The following PIPOX variants were observed in gnomAD, a reference collection of about 807,000 sequenced individuals.
PIPOX encodes the protein peroxisomal sarcosine oxidase.
Under a neutral mutation model 47.9 loss-of-function variants are expected in PIPOX, and 45 were observed. The ratio of observed to expected loss-of-function variants is 0.94; its 90% CI spans 0.74 to 1.20. The LOEUF is 1.20. Ranked by LOEUF, PIPOX falls within the 50% of genes most tolerant of loss-of-function variation. PIPOX has a pLI of 0.00. For synonymous variants in PIPOX, 165 were observed against 191.3 expected, an observed-to-expected ratio of 0.86 and a Z score of 1.13; for missense variants, 458 against 498.4, an observed-to-expected ratio of 0.92 and a Z score of 0.77.
chr17:29,055,974 G>T, intron 7 of PIPOX, 86 bp downstream of exon 7: 2 of 1,358,802 alleles, frequency 1.5e-6, no homozygotes, highest in South Asian at 2.3e-5. Flanking sequence ...ACTCTTAGCT[G>T]CCCAGATAGG....
At chr17:29,052,088 C>A (rs1162612700) in intron 2 of PIPOX, 19 of 465,924 alleles carry the variant, frequency 4.1e-5, no homozygotes, top group Non-Finnish European at 7.6e-5. Flanking sequence ...GTTTAGGACC[C>A]TTTCCACAAA....
At position 29,054,582 on chromosome 17, in the gene PIPOX, T is replaced by C. The variant is rs1480345147; in HGVS notation, c.698T>C (p.Val233Ala). ...AACGTGTGTTACTGGCGAGAGATGG[T>C]TCCTGGGAGCTATGGTGTGTCCCAG... The part of the protein sequence containing the change: ...RINVCYWREM[V>A]PGSYGVSQAF... The change falls in exon 5 of 8, where the codon GTT becomes GCT. Residue 233 changes from valine to alanine, a missense_variant. Physicochemically the swap from Val to Ala is moderately conservative, Grantham distance 64. Transcript: ENST00000323372. The C allele has an allele frequency of 6.2e-7, 1 of 1,614,204 alleles. No individual in the cohort carries two copies. The highest frequency in any genetic ancestry group is 1.1e-5 in the South Asian group (1 of 91,082).
At chr17:29,045,823 A>G (rs917898738) in intron 2 of PIPOX, among the ~76,000 whole-genome samples, 3 of 152,164 alleles carry the variant, frequency 2.0e-5, no homozygotes, top group Non-Finnish European at 4.4e-5. Context: ...TGTAGGAACA[A>G]AATGGGGACG....
chr17:29,043,578 C>G (rs142730600), intron 1 of PIPOX, among the ~76,000 whole-genome samples: 2 of 152,326 alleles, frequency 1.3e-5, no homozygotes, highest in East Asian at 3.9e-4. Context: ...CTTCCCAGTT[C>G]CTGCCCTTGA....
intron 5 of PIPOX, 70 bp from the exon 6 acceptor site, chr17:29,054,993 C>T (rs2065821555): frequency 1.3e-6 from 2 of 1,590,026 alleles, no homozygotes; most frequent in Non-Finnish European, 1.7e-6. Context: ...GTGTACACGC[C>T]TGCCCTTCGG....
Position 29,054,609 on chromosome 17 carries a change from C to T in PIPOX, c.725C>T (p.Ala242Val), listed in dbSNP as rs1267447911. 6.2e-7 allele frequency: 1 copy of T among 1,614,040 alleles called. No homozygotes were observed. The highest frequency in any genetic ancestry group is 1.3e-5 in the African/African-American group (1 of 74,908). Reference sequence around the variant, plus strand: ...CCTGGGAGCTATGGTGTGTCCCAGGCCTTTCCGTGCTTCCTGTGGCTGGGC... The same window carrying T: ...CCTGGGAGCTATGGTGTGTCCCAGGTCTTTCCGTGCTTCCTGTGGCTGGGC... ...MVPGSYGVSQAFPCFLWLGLC... is the reference protein window; with the variant it reads ...MVPGSYGVSQVFPCFLWLGLC... The change falls in exon 5 of 8, where the codon GCC becomes GTC. Residue 242 changes from alanine (A) to valine (V), a missense_variant. Ala to Val is a moderately conservative substitution (Grantham distance 64). Coordinates refer to ENST00000323372, the MANE Select transcript of PIPOX (RefSeq NM_016518.3).
intron 2 of PIPOX, among the ~76,000 whole-genome samples, chr17:29,050,920 T>C (rs2065803667): frequency 6.6e-6 from 1 of 151,636 alleles, no homozygotes; most frequent in Non-Finnish European, 1.5e-5. Flanking sequence ...GGTGGGCAGA[T>C]CATGAGGTCA....
Position 29,052,993 on chromosome 17 carries a change from C to G in PIPOX, c.337C>G (p.Gln113Glu). Reference protein sequence around the residue: ...LKTIQANLSRQRVEHQCLSSE... With the variant: ...LKTIQANLSRERVEHQCLSSE... ...GACAATCCAGGCCAATCTGTCGAGGCAGAGGGTAGAACACCAGTGTCTTTC... is the reference window on the plus strand; with the variant it reads ...GACAATCCAGGCCAATCTGTCGAGGGAGAGGGTAGAACACCAGTGTCTTTC... Residue 113 changes from glutamine to glutamate, a missense_variant, in exon 3 of 8, where the codon CAG becomes GAG. By Grantham distance (29) the Gln-to-Glu change is conservative. Transcript: ENST00000323372. The G allele has an allele frequency of 6.2e-7, 1 of 1,614,228 alleles. No homozygotes were observed. Among genetic ancestry groups the G allele is most frequent in the Non-Finnish European group, 8.5e-7 (1 of 1,180,008 alleles).
Position 29,053,425 on chromosome 17 carries a change from C to T in PIPOX, c.490C>T (p.Gln164Ter), listed in dbSNP as rs371518845. The change falls in exon 4 of 8, where the codon CAG (glutamine) becomes TAG (stop). Residue 164 changes from glutamine (Q) to a stop codon, truncating the protein, a stop_gained. Transcript: ENST00000323372. LOFTEE classifies it high-confidence loss of function. Reference sequence around the variant, plus strand: ...CCTGCCCTTTCAGGATGCAATTCGACAGCTAGGAGGCATAGTGCGTGACGG... The same window carrying T: ...CCTGCCCTTTCAGGATGCAATTCGATAGCTAGGAGGCATAGTGCGTGACGG... ...ALRALQDAIR[Q>*]LGGIVRDGEK... 6 of 1,609,984 alleles carry T rather than the reference C, an allele frequency of 3.7e-6. No individual in the cohort carries two copies. Among genetic ancestry groups the T allele is most frequent in the African/African-American group, 2.7e-5 (2 of 74,986 alleles).
intron 2 of PIPOX, among the ~76,000 whole-genome samples, chr17:29,047,361 A>T (rs1568018811): frequency 6.6e-6 from 1 of 152,090 alleles, no homozygotes. Flanking sequence ...GACACCTATA[A>T]CTCATTCCAT....
rs1449922271 is a variant in PIPOX, at chr17:29,053,577, C to CGG, written c.642_643insGG (p.Ile215GlyfsTer54). 1 of 1,593,168 alleles carries CGG rather than the reference C, an allele frequency of 6.3e-7. No homozygotes were observed. The highest frequency in any genetic ancestry group is 1.3e-5 in the African/African-American group (1 of 74,322). Reference sequence around the variant, plus strand: ...CCAACCAGCTCCTCCGTCCCCTGGGCATTGAGATGCCTCTCCAGGTAAGAG... The same window carrying CGG: ...CCAACCAGCTCCTCCGTCCCCTGGGCGGATTGAGATGCCTCTCCAGGTAAGAG... On this transcript the variant is annotated frameshift_variant, in exon 4 of 8. Transcript: ENST00000323372. LOFTEE classifies it high-confidence loss of function.
intron 5 of PIPOX, 62 bp downstream of exon 5, chr17:29,054,753 A>G (rs1598240291): frequency 1.3e-6 from 2 of 1,562,900 alleles, no homozygotes; most frequent in African/African-American, 1.4e-5. Flanking sequence ...AAGCTGCTCT[A>G]ACTTTCCCCT....
intron 2 of PIPOX, among the ~76,000 whole-genome samples, chr17:29,051,553 G>A (rs994284737): frequency 6.6e-6 from 1 of 152,234 alleles, no homozygotes; most frequent in African/African-American, 2.4e-5. Context: ...GAAGGACCAC[G>A]GGAACAGTCC....
In PIPOX at chr17:29,043,224, T is replaced by A; in HGVS notation, c.-2T>A. On this transcript the variant is annotated 5_prime_UTR_variant, in exon 1 of 8. Transcript: ENST00000323372. ...TCTGTGGCTGTGGGGCTGAGTGGCA[T>A]CATGGCGGCTCAGAAAGATCTCTGG... The A allele has an allele frequency of 6.2e-7, 1 of 1,609,272 alleles. No individual in the cohort carries two copies. The highest frequency in any genetic ancestry group is 8.5e-7 in the Non-Finnish European group (1 of 1,176,612).
At position 29,053,113 on chromosome 17, in the gene PIPOX, A is replaced by G. The variant is rs770727084; in HGVS notation, c.457A>G (p.Lys153Glu). 1.9e-5 allele frequency: 30 copies of G among 1,614,026 alleles called. No individual in the cohort carries two copies. The East Asian group carries it at 6.2e-4, about 34-fold the overall frequency. ...DNSGGVIYAY[K>E]ALRALQDAIR... ...TTCCGGAGGAGTTATCTATGCATAT[A>G]AGGCCCTCAGAGCCCTGCAGGTAAT... is the stretch of plus-strand genomic sequence containing the variant. Residue 153 changes from lysine (K) to glutamate (E), a missense_variant, in exon 3 of 8, where the codon AAG becomes GAG. By Grantham distance (56) the Lys-to-Glu change is moderately conservative (BLOSUM62 1). Transcript: ENST00000323372.
rs184988456 is a variant in PIPOX, at chr17:29,044,930, C to T, written c.186C>T (p.Asp62=). Residue 62 remains aspartate, a synonymous_variant, in exon 2 of 8, where the codon GAC becomes GAT. Coordinates refer to ENST00000323372, the MANE Select transcript of PIPOX (RefSeq NM_016518.3). ...SRIIRKAYLE[D]FYTRMMHECY... ...TAATCCGAAAGGCGTACCTGGAAGA[C>T]TTTTACACCCGGATGATGCATGAGT... is the stretch of plus-strand genomic sequence containing the variant. The T allele has an allele frequency of 1.2e-6, 2 of 1,614,176 alleles. No individual in the cohort carries two copies. Among genetic ancestry groups the T allele is most frequent in the African/African-American group, 2.7e-5 (2 of 75,048 alleles).
intron 4 of PIPOX, 76 bp downstream of exon 4, chr17:29,053,671 G>C: frequency 8.7e-7 from 1 of 1,153,878 alleles, no homozygotes; most frequent in Non-Finnish European, 1.2e-6. Context: ...TTTGAGTCCT[G>C]GATCTGCCTC....
At chr17:29,052,805 T>G in intron 2 of PIPOX, 115 bp from the exon 3 acceptor site, 1 of 859,860 alleles carries the variant, frequency 1.2e-6, no homozygotes. Flanking sequence ...ATTAGTGGCC[T>G]CAAGTCATCC....
Position 29,053,476 on chromosome 17 carries a change from G to A in PIPOX, c.541G>A (p.Gly181Arg), listed in dbSNP as rs185817370. 4.3e-6 allele frequency: 7 copies of A among 1,614,172 alleles called. No homozygotes were observed. In the East Asian group the frequency reaches 1.6e-4, roughly 36 times the overall value. ...DGEKVVEINP[G>R]LLVTVKTTSR... ...AGAGAAGGTGGTGGAGATAAACCCA[G>A]GGCTACTGGTCACGGTGAAAACCAC... The change falls in exon 4 of 8, where the codon GGG becomes AGG. Residue 181 changes from glycine (G) to arginine (R), a missense_variant. Physicochemically the swap from Gly to Arg is moderately radical, Grantham distance 125. Transcript: ENST00000323372.
Sources: gnomAD v4.1 joint callset for allele counts (sites outside exome capture counted in the v4.1 genomes callset) on GRCh38, gnomAD v4.1.1 for gene constraint, MANE v1.5 for transcripts, NCBI Gene and HGNC (gene_info 2026-07-23, HGNC 2026-07-21) for gene names.